Variants in NUP98 observed in about 807,000 individuals in gnomAD.
The protein encoded by NUP98 is nuclear pore complex protein Nup98-Nup96.
In NUP98, 26 loss-of-function variants were observed where a neutral mutation model predicts 191.9. The ratio of observed to expected loss-of-function variants is 0.14; its 90% confidence interval spans 0.10 to 0.19. NUP98 has a LOEUF of 0.19. Ranked by LOEUF, NUP98 falls within the 10% of genes least tolerant of loss-of-function variation. The pLI is 1.00. For missense variants in NUP98, 1,941 were observed against 2,178.8 expected (o/e 0.89, Z 2.17); for synonymous variants, 808 against 778.4 (o/e 1.04, Z -0.63).
intron 1 of NUP98, among the ~76,000 whole-genome samples, chr11:3,783,020 G>C (rs551790285): frequency 6.6e-6 from 1 of 152,106 alleles, no homozygotes; most frequent in Admixed American, 6.6e-5. Context: ...TTGAGATTAC[G>C]TTTTAAGACT....
rs189222772 is a variant in NUP98 at position 3,759,949 on chromosome 11, T to C, written c.1174+590A>G. On this transcript the variant is annotated intron_variant, in intron 10 of 32. Coordinates refer to ENST00000324932, the MANE Select transcript of NUP98 (RefSeq NM_016320.5). Reference sequence around the variant, plus strand: ...ACTGCAGCCTTGAACTCCTAAGTGATACTCCTGACTCAGCCTCCATAATGG... The same window carrying C: ...ACTGCAGCCTTGAACTCCTAAGTGACACTCCTGACTCAGCCTCCATAATGG... Among the ~76,000 whole-genome samples, 33 of 152,032 alleles carry C rather than the reference T, an allele frequency of 2.2e-4. No individual in the cohort carries two copies. In the East Asian group the frequency reaches 6.4e-3, roughly 29 times the overall value.
At chr11:3,727,100 G>C (rs531969447) in intron 14 of NUP98, among the ~76,000 whole-genome samples, 17 of 152,024 alleles carry the variant, frequency 1.1e-4, no homozygotes, top group Non-Finnish European at 2.4e-4. Flanking sequence ...CTAGAAAATA[G>C]AAAGAGGAAA....
At chr11:3,713,130 C>T (rs1174502735) in intron 19 of NUP98, among the ~76,000 whole-genome samples, 5 of 152,256 alleles carry the variant, frequency 3.3e-5, no homozygotes, top group East Asian at 1.9e-4. Context: ...TAAACTATTA[C>T]GGACAGTCAA....
At chr11:3,679,825 G>C (rs2134004002) in intron 30 of NUP98, 117 bp from the exon 31 acceptor site, 1 of 968,470 alleles carries the variant, frequency 1.0e-6, no homozygotes, top group East Asian at 2.6e-5. Flanking sequence ...GACTTCAGAA[G>C]TAAAAGCACA....
At chr11:3,727,004 C>A (rs1281951590) in intron 14 of NUP98, among the ~76,000 whole-genome samples, 1 of 152,084 alleles carries the variant, frequency 6.6e-6, no homozygotes, top group Admixed American at 6.6e-5. Flanking sequence ...CTCTAGTGAT[C>A]CTCCTGCTTT....
chr11:3,754,422 C>CA lies in NUP98; in HGVS notation c.1175-1015dup, dbSNP rs1198076010. On this transcript the variant is annotated intron_variant, in intron 10 of 32. Coordinates refer to ENST00000324932, the MANE Select transcript of NUP98 (RefSeq NM_016320.5). Reference sequence around the variant, plus strand: ...GCATGGATAGAGTGAGACTCTGTTTCAAAAAAAATACAAAATAAAATAAAA... The same window carrying CA: ...GCATGGATAGAGTGAGACTCTGTTTCAAAAAAAAATACAAAATAAAATAAAA... Among the ~76,000 whole-genome samples the CA allele has an allele frequency of 5.3e-5, 8 of 151,080 alleles. No individual in the cohort carries two copies. In the East Asian group the frequency reaches 5.8e-4, roughly 11 times the overall value.
chr11:3,768,060 C>T (rs1263588273), intron 8 of NUP98, among the ~76,000 whole-genome samples: 4 of 152,064 alleles, frequency 2.6e-5, no homozygotes, highest in African/African-American at 4.8e-5. Context: ...GATAAGTGAT[C>T]GCCTCAATAG....
chr11:3,677,003 A>C (rs1422327778), intron 31 of NUP98, among the ~76,000 whole-genome samples: 1 of 152,242 alleles, frequency 6.6e-6, no homozygotes, highest in African/African-American at 2.4e-5. Flanking sequence ...CCTGACTCCA[A>C]GTTTATAGCC....
chr11:3,693,209 T>G, intron 27 of NUP98, 23 bp downstream of exon 27: 1 of 1,611,490 alleles, frequency 6.2e-7, no homozygotes, highest in Non-Finnish European at 8.5e-7. Context: ...AGATTTTTGC[T>G]TGGCTCTATT....
Position 3,686,087 on chromosome 11 carries a change from G to A in NUP98, c.4562C>T (p.Thr1521Ile), listed in dbSNP as rs2078124175. The A allele has an allele frequency of 4.3e-6, 7 of 1,614,208 alleles. No individual in the cohort carries two copies. Among genetic ancestry groups the A allele is most frequent in the Non-Finnish European group, 5.9e-6 (7 of 1,180,046 alleles). The change falls in exon 29 of 33, where the codon ACC becomes ATC. Residue 1521 changes from threonine to isoleucine, a missense_variant. Thr to Ile is a moderately conservative substitution (Grantham distance 89). This residue lies in a region of NUP98 where 1,030 missense variants were observed against 1,115.8 expected (regional missense o/e 0.92). Transcript: ENST00000324932. ...LWEVLRALNY[T>I]HLSAQCEGVL... is the part of the protein sequence containing the mutation. ...ACCTTCACACTGCGCTGAGAGATGG[G>A]TGTAGTTAAGAGCCCTCAGCACTTC...
chr11:3,742,650 G>T (rs905832941), intron 12 of NUP98, among the ~76,000 whole-genome samples: 19 of 130,658 alleles, frequency 1.5e-4, no homozygotes, highest in African/African-American at 5.5e-4. Context: ...AGTGAGCCGA[G>T]ATTACATCAC....
intron 21 of NUP98, among the ~76,000 whole-genome samples, chr11:3,706,025 G>C (rs1278008740): frequency 1.3e-5 from 2 of 150,782 alleles, no homozygotes; most frequent in Non-Finnish European, 3.0e-5. Flanking sequence ...AAGTAGCCAG[G>C]TGTGGTGGTG....
chr11:3,681,034 A>G (rs2077968010), intron 30 of NUP98, among the ~76,000 whole-genome samples: 1 of 151,396 alleles, frequency 6.6e-6, no homozygotes, highest in South Asian at 2.1e-4. Flanking sequence ...CCAATCACAA[A>G]TGTTCCTCTC....
chr11:3,708,226 C>T (rs1263600149), intron 20 of NUP98, among the ~76,000 whole-genome samples: 4 of 152,158 alleles, frequency 2.6e-5, no homozygotes, highest in African/African-American at 9.7e-5. Flanking sequence ...TTACCTAATG[C>T]AGTGCTTGAC....
At position 3,702,728 on chromosome 11, in the gene NUP98, G is replaced by C. The variant is rs747127807; in HGVS notation, c.3247C>G (p.Pro1083Ala). The C allele has an allele frequency of 2.5e-6, 4 of 1,614,028 alleles. No homozygotes were observed. The African/African-American group carries it at 5.3e-5, about 22-fold the overall frequency. ...PLTSVFTMPS[P>A]APEVPLKTVG... is the part of the protein sequence containing the mutation. ...GTTTTCAACGGAACCTCAGGGGCTG[G>C]GCTGGGCATTGTGAACACAGAAGTC... Residue 1083 changes from proline (P) to alanine (A), a missense_variant, in exon 23 of 33, where the codon CCA becomes GCA. Pro to Ala is a conservative substitution (Grantham distance 27). Transcript: ENST00000324932.
chr11:3,718,650 T>C (rs969592680), intron 18 of NUP98, among the ~76,000 whole-genome samples: 13 of 152,190 alleles, frequency 8.5e-5, no homozygotes, highest in African/African-American at 3.1e-4. Context: ...TTCTTCCTGA[T>C]TCAGGGTTGG....
chr11:3,794,211 C>G (rs2082452032), intron 1 of NUP98, among the ~76,000 whole-genome samples: 1 of 152,212 alleles, frequency 6.6e-6, no homozygotes, highest in South Asian at 2.1e-4. Flanking sequence ...AAACCTTTCT[C>G]TAGAGCCATA....
intron 14 of NUP98, among the ~76,000 whole-genome samples, chr11:3,729,543 CAAAA>C (rs36045405): frequency 3.6e-5 from 2 of 55,746 alleles, no homozygotes; most frequent in East Asian, 5.0e-4. Flanking sequence ...CCTGTATCTC[CAAAA>C]AAAAAAAAAA....
chr11:3,751,366 A>G (rs928411648), intron 11 of NUP98, among the ~76,000 whole-genome samples: 23 of 152,138 alleles, frequency 1.5e-4, no homozygotes, highest in African/African-American at 5.1e-4. Flanking sequence ...CTCAAAAAAC[A>G]AACAAGAATA....
Sources: allele counts gnomAD v4.1 joint callset (sites outside exome capture counted in the v4.1 genomes callset), GRCh38; gene constraint gnomAD v4.1.1; regional missense constraint gnomAD v4.1.1; transcripts MANE v1.5; gene names NCBI Gene and HGNC (gene_info 2026-07-23, HGNC 2026-07-21).